The following KIAA0825 variants were observed in gnomAD, a reference collection of about 807,000 sequenced individuals.
The protein encoded by KIAA0825 is uncharacterized protein KIAA0825.
In KIAA0825, 119 loss-of-function variants were observed where a neutral mutation model predicts 147.6. That is an observed-to-expected ratio of 0.81 (90% CI 0.69 to 0.94). The LOEUF is 0.94. Ranked by LOEUF, KIAA0825 falls within the 40% of genes least tolerant of loss-of-function variation. The pLI is 0.00. For missense variants in KIAA0825, 1,381 were observed against 1,472.7 expected (o/e 0.94, Z 1.02); for synonymous variants, 470 against 518.1 (o/e 0.91, Z 1.26).
chr5:94,156,766 G>C (rs1270546410), intron 20 of KIAA0825, among the ~76,000 whole-genome samples: 2 of 152,042 alleles, frequency 1.3e-5, no homozygotes, highest in African/African-American at 4.8e-5. Flanking sequence ...CATTTCATAA[G>C]AGGATAAAAA....
At chr5:94,612,129 CG>C (rs1357225546) in intron 1 of KIAA0825, among the ~76,000 whole-genome samples, 2 of 151,902 alleles carry the variant, frequency 1.3e-5, no homozygotes, top group African/African-American at 4.8e-5. Flanking sequence ...CTAACAAAAC[CG>C]TATTATAAAA....
At chr5:94,299,895 G>T (rs1364109590) in intron 20 of KIAA0825, among the ~76,000 whole-genome samples, 1 of 150,104 alleles carries the variant, frequency 6.7e-6, no homozygotes, top group Non-Finnish European at 1.5e-5. Context: ...TGAGGGCAAA[G>T]AAATAAAAAC....
At chr5:94,326,111 C>T (rs1183291999) in intron 20 of KIAA0825, among the ~76,000 whole-genome samples, 1 of 151,986 alleles carries the variant, frequency 6.6e-6, no homozygotes, top group African/African-American at 2.4e-5. Flanking sequence ...ACAAGGCTTC[C>T]ATTCATACTA....
chr5:94,537,186 G>A, intron 2 of KIAA0825, 59 bp from the exon 3 acceptor site: 11 of 1,391,218 alleles, frequency 7.9e-6, no homozygotes, highest in Middle Eastern at 3.7e-4. Context: ...CCAGGGATAG[G>A]GGTGGGCAGA....
chr5:94,159,777 T>C (rs1767377137), intron 20 of KIAA0825, among the ~76,000 whole-genome samples: 1 of 152,156 alleles, frequency 6.6e-6, no homozygotes, highest in Admixed American at 6.6e-5. Context: ...TGGCATTTGA[T>C]CATATTTTTG....
intron 20 of KIAA0825, among the ~76,000 whole-genome samples, chr5:94,309,849 C>G (rs1321652118): frequency 6.6e-6 from 1 of 151,606 alleles, no homozygotes; most frequent in African/African-American, 2.4e-5. Context: ...GGTTGAGGTG[C>G]TCTGTTTGTG....
intron 20 of KIAA0825, among the ~76,000 whole-genome samples, chr5:94,311,616 A>C (rs1779186814): frequency 6.6e-6 from 1 of 151,578 alleles, no homozygotes; most frequent in African/African-American, 2.4e-5. Flanking sequence ...CTGTAGATAA[A>C]ATTTCTTTTT....
chr5:94,383,925 G>A lies in KIAA0825; in HGVS notation c.3710+443C>T, dbSNP rs569505115. 2.0e-5 allele frequency among the ~76,000 whole-genome samples: 3 copies of A among 151,890 alleles called. No homozygotes were observed. The East Asian group carries it at 5.8e-4, about 29-fold the overall frequency. On this transcript the variant is annotated intron_variant, in intron 20 of 20. Coordinates refer to ENST00000682413, the MANE Select transcript of KIAA0825 (RefSeq NM_001145678.3). ...TCAATCATGACAGTTTTACTTACAT[G>A]TTTTCCTGATTAGACTAGTTGATTT...
At chr5:94,205,994 C>T (rs1307737582) in intron 20 of KIAA0825, among the ~76,000 whole-genome samples, 8 of 151,928 alleles carry the variant, frequency 5.3e-5, no homozygotes, top group Admixed American at 1.3e-4. Flanking sequence ...TTTTTTGTTC[C>T]GTTATTTTCT....
At chr5:94,229,502 A>ATTT (rs769082743) in intron 20 of KIAA0825, among the ~76,000 whole-genome samples, 4 of 138,818 alleles carry the variant, frequency 2.9e-5, no homozygotes, top group Non-Finnish European at 4.7e-5. Flanking sequence ...TCCATATTGA[A>ATTT]TTTTTTTTTT....
intron 20 of KIAA0825, among the ~76,000 whole-genome samples, chr5:94,294,065 G>A (rs914968148): frequency 6.6e-6 from 1 of 152,036 alleles, no homozygotes; most frequent in Non-Finnish European, 1.5e-5. Context: ...ACACTGATGG[G>A]TCTTAACTGT....
intron 2 of KIAA0825, among the ~76,000 whole-genome samples, chr5:94,578,133 A>G (rs1172291009): frequency 1.3e-5 from 2 of 152,232 alleles, no homozygotes; most frequent in South Asian, 2.1e-4. Flanking sequence ...GTATTTGTCA[A>G]CTTCTTGCCA....
intron 20 of KIAA0825, among the ~76,000 whole-genome samples, chr5:94,225,824 T>G (rs1774111484): frequency 6.6e-6 from 1 of 152,010 alleles, no homozygotes; most frequent in Admixed American, 6.6e-5. Flanking sequence ...CAAAAATTGG[T>G]TTTAAAATCC....
chr5:94,155,247 T>A (rs1185091463), intron 20 of KIAA0825, among the ~76,000 whole-genome samples: 1 of 145,290 alleles, frequency 6.9e-6, no homozygotes, highest in African/African-American at 2.5e-5. Flanking sequence ...AGACAGGGTC[T>A]CCCTCTGTTA....
chr5:94,156,273 T>C (rs1016932360), intron 20 of KIAA0825, among the ~76,000 whole-genome samples: 2 of 152,210 alleles, frequency 1.3e-5, no homozygotes, highest in African/African-American at 4.8e-5. Flanking sequence ...AAAAACCATT[T>C]ACAGCTAATA....
chr5:94,356,742 T>TTTTTTTTTTTTTTTTTTTG (rs1386151871), intron 20 of KIAA0825, among the ~76,000 whole-genome samples: 1 of 146,374 alleles, frequency 6.8e-6, no homozygotes, highest in African/African-American at 2.6e-5. Context: ...TTTTTTTTTT[T>TTTTTTTTTTTTTTTTTTTG]GAGACGGAGT....
intron 20 of KIAA0825, among the ~76,000 whole-genome samples, chr5:94,168,032 T>G (rs2149939455): frequency 6.7e-6 from 1 of 149,656 alleles, no homozygotes; most frequent in East Asian, 1.9e-4. Flanking sequence ...AATATATATA[T>G]AATAAAATAT....
chr5:94,232,783 G>A (rs1015509677), intron 20 of KIAA0825, among the ~76,000 whole-genome samples: 13 of 151,940 alleles, frequency 8.6e-5, no homozygotes, highest in African/African-American at 2.9e-4. Context: ...CTAAAAAGTT[G>A]CAAGAAAGAT....
intron 1 of KIAA0825, chr5:94,615,472 T>C (rs886568033): frequency 6.6e-6 from 1 of 152,214 alleles, no homozygotes; most frequent in African/African-American, 2.4e-5. Context: ...TTAATGACTA[T>C]GCGTAACCTA....
Sources: allele counts gnomAD v4.1 joint callset (sites outside exome capture counted in the v4.1 genomes callset), GRCh38; gene constraint gnomAD v4.1.1; transcripts MANE v1.5; gene names NCBI Gene and HGNC (gene_info 2026-07-23, HGNC 2026-07-21).